The following RPH3A variants were observed in gnomAD, a reference collection of about 807,000 sequenced individuals.
RPH3A encodes the protein rabphilin 3A.
A neutral mutation model predicts 102.2 loss-of-function variants in RPH3A; 48 were observed. That is an observed-to-expected ratio of 0.47 (90% CI 0.37 to 0.60). RPH3A has a LOEUF of 0.60. Ranked by LOEUF, RPH3A falls within the 20% of genes least tolerant of loss-of-function variation. The pLI is 0.00. For missense variants in RPH3A, 781 were observed against 910.1 expected (o/e 0.86, Z 1.83); for synonymous variants, 310 against 324.3 (o/e 0.96, Z 0.47).
chr12:112,650,858 A>C (rs1391197766), intron 1 of RPH3A: 1 of 151,738 alleles, frequency 6.6e-6, no homozygotes, highest in South Asian at 2.1e-4. Flanking sequence ...CCTCCTGAGT[A>C]GCTGGGACCA....
chr12:112,690,886 T>TA (rs2040301248), intron 1 of RPH3A, among the ~76,000 whole-genome samples: 1 of 151,972 alleles, frequency 6.6e-6, no homozygotes, highest in Non-Finnish European at 1.5e-5. Context: ...TCCAAAAGCA[T>TA]GGGGGGGATA....
chr12:112,654,571 C>T (rs1300794101), intron 1 of RPH3A, among the ~76,000 whole-genome samples: 1 of 152,166 alleles, frequency 6.6e-6, no homozygotes, highest in African/African-American at 2.4e-5. Flanking sequence ...CCATTCTTGG[C>T]AAATCCTTTG....
chr12:112,838,339 G>A (rs2042088639), intron 4 of RPH3A, among the ~76,000 whole-genome samples: 1 of 152,236 alleles, frequency 6.6e-6, no homozygotes, highest in Admixed American at 6.5e-5. Flanking sequence ...GGACCCCCAG[G>A]TCCCGTTGGC....
At position 112,896,766 on chromosome 12, in the gene RPH3A, G is replaced by A. The variant is rs757433178; in HGVS notation, c.2071G>A (p.Val691Met). The change falls in exon 22 of 22, where the codon GTG becomes ATG. Residue 691 changes from valine to methionine, a missense_variant. Val to Met is a conservative substitution (Grantham distance 21). Transcript: ENST00000389385. ...RWHQLQNENHVSSD is the reference protein window; with the variant it reads ...RWHQLQNENHMSSD Reference sequence around the variant, plus strand: ...GCACCAGCTACAGAATGAGAACCACGTGTCAAGTGATTAGGCTAGTGCCCA... The same window carrying A: ...GCACCAGCTACAGAATGAGAACCACATGTCAAGTGATTAGGCTAGTGCCCA... 9.3e-6 allele frequency: 15 copies of A among 1,613,946 alleles called. No homozygotes were observed. The African/African-American group carries it at 1.1e-4, about 11-fold the overall frequency.
At chr12:112,766,989 A>C (rs1409803792) in intron 1 of RPH3A, among the ~76,000 whole-genome samples, 2 of 152,270 alleles carry the variant, frequency 1.3e-5, no homozygotes, top group Middle Eastern at 3.4e-3. Context: ...AAACAGGGTT[A>C]ATGAGAAATT....
chr12:112,829,851 T>G (rs774317338), intron 3 of RPH3A, among the ~76,000 whole-genome samples: 12 of 152,222 alleles, frequency 7.9e-5, no homozygotes, highest in Non-Finnish European at 1.8e-4. Context: ...AGCTATAAAC[T>G]GTAGCCTCAT....
chr12:112,667,366 T>G (rs2040091183), intron 1 of RPH3A, among the ~76,000 whole-genome samples: 1 of 152,192 alleles, frequency 6.6e-6, no homozygotes, highest in Non-Finnish European at 1.5e-5. Flanking sequence ...AAGTTGCCTT[T>G]AATTCTTCCT....
intron 2 of RPH3A, among the ~76,000 whole-genome samples, chr12:112,820,492 T>G (rs1226102954): frequency 1.3e-5 from 2 of 152,228 alleles, no homozygotes; most frequent in East Asian, 3.8e-4. Context: ...TCACTTAGTC[T>G]TCTAAGCCTC....
intron 2 of RPH3A, among the ~76,000 whole-genome samples, chr12:112,801,003 T>C (rs1465171044): frequency 6.6e-6 from 1 of 151,950 alleles, no homozygotes; most frequent in African/African-American, 2.4e-5. Flanking sequence ...TTCTCTCCCA[T>C]GAATAGTGGC....
chr12:112,727,407 ATAT>A (rs1223057307), intron 1 of RPH3A, among the ~76,000 whole-genome samples: 11 of 129,014 alleles, frequency 8.5e-5, no homozygotes, highest in African/African-American at 3.1e-4. Context: ...AAAAAAAAAA[ATAT>A]ATATATATAT....
chr12:112,575,392 G>C (rs1214004370), intron 1 of RPH3A: 2 of 151,526 alleles, frequency 1.3e-5, no homozygotes, highest in Non-Finnish European at 2.9e-5. Flanking sequence ...CTGGGGGGTC[G>C]TGGGGGCTCC....
At chr12:112,827,753 TG>T (rs997035250) in intron 2 of RPH3A, among the ~76,000 whole-genome samples, 28 of 151,446 alleles carry the variant, frequency 1.8e-4, no homozygotes, top group Non-Finnish European at 3.2e-4. Flanking sequence ...TATCCTGGGG[TG>T]GGGGGCCAGG....
intron 2 of RPH3A, among the ~76,000 whole-genome samples, chr12:112,804,453 C>T (rs761052873): frequency 2.3e-4 from 35 of 152,232 alleles, no homozygotes; most frequent in Non-Finnish European, 5.0e-4. Context: ...AAAGTTGAAA[C>T]CACACCCCTG....
At chr12:112,842,120 C>G (rs115524075) in intron 4 of RPH3A, 8,079 of 426,462 alleles carry the variant, frequency 0.019, 558 homozygotes, top group African/African-American at 0.15. Flanking sequence ...GACTCATTGT[C>G]TTCCCTACTC....
chr12:112,814,923 A>G (rs1374608493), intron 2 of RPH3A, among the ~76,000 whole-genome samples: 1 of 152,196 alleles, frequency 6.6e-6, no homozygotes, highest in Non-Finnish European at 1.5e-5. Context: ...TGGGACTCCA[A>G]GTGTGGCGCC....
At chr12:112,712,681 G>T (rs1490255431) in intron 1 of RPH3A, among the ~76,000 whole-genome samples, 2 of 151,784 alleles carry the variant, frequency 1.3e-5, no homozygotes, top group East Asian at 3.9e-4. Context: ...GTATGTGTGT[G>T]TGTGTGTATG....
chr12:112,667,662 A>AAG (rs71086114), intron 1 of RPH3A, among the ~76,000 whole-genome samples: 1,395 of 72,740 alleles, frequency 0.019, 79 homozygotes, highest in Non-Finnish European at 0.029. Context: ...GAGATGAATA[A>AAG]AGAGAGAGAG....
intron 1 of RPH3A, among the ~76,000 whole-genome samples, chr12:112,677,425 CCTTCCTTCCT>C (rs2040186807): frequency 1.3e-4 from 11 of 85,434 alleles, no homozygotes; most frequent in Non-Finnish European, 2.3e-4. Context: ...CTCCTTCCTT[CCTTCCTTCCT>C]TCCTTCCTTC....
chr12:112,791,881 A>AGAGAGAGAGAGAGAGAGAGAGG lies in RPH3A; in HGVS notation c.-250_-249insGGAGAGAGAGAGAGAGAGAGAG, dbSNP rs2041117504. 1 of 148,516 alleles carries AGAGAGAGAGAGAGAGAGAGAGG rather than the reference A, an allele frequency of 6.7e-6. No individual in the cohort carries two copies. The highest frequency in any genetic ancestry group is 1.5e-5 in the Non-Finnish European group (1 of 67,000). 9.2% of individuals were successfully genotyped at this position (148,516 alleles called of 1,614,324 possible). A position where few individuals can be genotyped will look rare whatever the true frequency, so the allele number is the denominator to read the frequency against. ...GAAGGGAGAAGGGAGAGAGAGAGAG[A>AGAGAGAGAGAGAGAGAGAGAGG]GAGAGAGAGAGAGAGAGAGAGAGAC... On this transcript the variant is annotated 5_prime_UTR_variant, in exon 1 of 22. Coordinates refer to ENST00000389385, the MANE Select transcript of RPH3A (RefSeq NM_001143854.2).
Sources: gnomAD v4.1 joint callset for allele counts (sites outside exome capture counted in the v4.1 genomes callset) on GRCh38, gnomAD v4.1.1 for gene constraint, MANE v1.5 for transcripts, NCBI Gene and HGNC (gene_info 2026-07-23, HGNC 2026-07-21) for gene names.